BRF1: variants seen among roughly 807,000 people sequenced by gnomAD.
The protein encoded by BRF1 is transcription factor IIIB 90 kDa subunit.
In BRF1, 59 loss-of-function variants were observed where a neutral mutation model predicts 81.7. The ratio of observed to expected loss-of-function variants is 0.72; its 90% CI spans 0.59 to 0.90. The LOEUF (loss-of-function observed/expected upper bound fraction) is 0.90. Among genes scored for constraint, BRF1 ranks in the 40% least tolerant of loss-of-function variants. The pLI, the probability that BRF1 is intolerant of heterozygous loss-of-function variation, is 0.00. For missense variants in BRF1, 1,050 were observed against 936.3 expected (o/e 1.12, Z -1.58); for synonymous variants, 491 against 395.6 (o/e 1.24, Z -2.86).
chr14:105,240,963 C>G (rs775257368), intron 6 of BRF1, among the ~76,000 whole-genome samples: 5 of 152,208 alleles, frequency 3.3e-5, no homozygotes, highest in Admixed American at 2.6e-4. Context: ...CCGGGCCCCA[C>G]GAGACCACGG....
At position 105,210,697 on chromosome 14, in the gene BRF1, C is replaced by T. The variant is rs959600863; in HGVS notation, c.1997-109G>A. The T allele has an allele frequency of 8.3e-5, 103 of 1,244,002 alleles. No individual in the cohort carries two copies. Among genetic ancestry groups the T allele is most frequent in the Non-Finnish European group, 1.1e-4 (96 of 891,938 alleles). The allele number at this position is 1,244,002 out of a possible 1,614,324, so 77.1% of individuals were successfully genotyped here. A position where few individuals can be genotyped will look rare whatever the true frequency, so the allele number is the denominator to read the frequency against. Reference sequence around the variant, plus strand: ...CCCCCTAGAAGACTCAGGCTCCAGCCCCAGCCCCAGCCCCCCGCGCCCCGC... The same window carrying T: ...CCCCCTAGAAGACTCAGGCTCCAGCTCCAGCCCCAGCCCCCCGCGCCCCGC... On this transcript the variant is annotated intron_variant, in intron 17 of 17. Transcript: ENST00000547530. This position sits in a 1 kb window ranked among gnomAD's most constrained non-coding sequence, Gnocchi z 4.7.
chr14:105,314,970 A>G (rs1168591191), intron 1 of BRF1: 10 of 1,222,496 alleles, frequency 8.2e-6, no homozygotes, highest in Non-Finnish European at 9.4e-6. Flanking sequence ...CGCGCTCAAC[A>G]CGCCCGTGCC....
In BRF1 at chr14:105,226,143, T is replaced by C; in HGVS notation, c.974A>G (p.Gln325Arg). Residue 325 changes from glutamine (Q) to arginine (R), a missense_variant, in exon 10 of 18, where the codon CAG becomes CGG. Gln to Arg is a conservative substitution (Grantham distance 43, BLOSUM62 1). Transcript: ENST00000547530. ...EEVEGEISSY[Q>R]DAIEIELENS... Reference sequence around the variant, plus strand: ...TTCTAGTTCAATCTCAATTGCATCCTGGTAACTGGATATTTCACCTGAAGT... The same window carrying C: ...TTCTAGTTCAATCTCAATTGCATCCCGGTAACTGGATATTTCACCTGAAGT... 1 of 1,614,022 alleles carries C rather than the reference T, an allele frequency of 6.2e-7. No homozygotes were observed. The highest frequency in any genetic ancestry group is 8.5e-7 in the Non-Finnish European group (1 of 1,180,032).
chr14:105,229,733 C>A (rs1317322986), intron 6 of BRF1, among the ~76,000 whole-genome samples: 1 of 43,268 alleles, frequency 2.3e-5, no homozygotes, highest in African/African-American at 8.9e-5. Flanking sequence ...CGCGTAGTCG[C>A]CCAGCTGGGG....
chr14:105,228,606 C>A (rs1174430462), intron 7 of BRF1, among the ~76,000 whole-genome samples: 1 of 151,928 alleles, frequency 6.6e-6, no homozygotes, highest in Non-Finnish European at 1.5e-5. Flanking sequence ...AGGGCCGGCC[C>A]CAGAAGGACT....
chr14:105,245,369 T>A (rs1009351449), intron 5 of BRF1, among the ~76,000 whole-genome samples: 61 of 151,080 alleles, frequency 4.0e-4, no homozygotes, highest in African/African-American at 6.6e-4. Flanking sequence ...TCAAAAAAAA[T>A]AAATAAATAA....
intron 3 of BRF1, among the ~76,000 whole-genome samples, chr14:105,267,005 T>C (rs587750503): frequency 2.9e-4 from 44 of 152,096 alleles, no homozygotes; most frequent in Admixed American, 7.8e-4. Context: ...ACTGCGCCAC[T>C]GCACTCCAGC....
chr14:105,223,276 A>G (rs910709307), intron 10 of BRF1, among the ~76,000 whole-genome samples: 1 of 152,230 alleles, frequency 6.6e-6, no homozygotes, highest in Non-Finnish European at 1.5e-5. Context: ...AAGGAAATCA[A>G]CGTCCACACA....
chr14:105,248,536 G>C lies in BRF1; in HGVS notation c.544+3971C>G, dbSNP rs2055291486. The C allele has an allele frequency of 4.2e-6, 4 of 951,884 alleles. No homozygotes were observed. In the South Asian group the frequency reaches 2.0e-4, roughly 47 times the overall value. The allele number at this position is 951,884 out of a possible 1,614,324, so 59.0% of individuals were successfully genotyped here. The stretch of plus-strand genomic sequence containing the variant: ...TCGCGCGGGGCGCGGCCCTGACGCA[G>C]CGTGACGCACCGGCGCCGCGGCGGG... On this transcript the variant is annotated intron_variant, in intron 5 of 17. Transcript: ENST00000547530.
At position 105,272,893 on chromosome 14, in the gene BRF1, C is replaced by T. The variant is rs1270917194; in HGVS notation, c.267G>A (p.Gly89=). 1.9e-6 allele frequency: 3 copies of T among 1,604,158 alleles called. No homozygotes were observed. The highest frequency in any genetic ancestry group is 2.6e-6 in the Non-Finnish European group (3 of 1,172,506). Residue 89 remains glycine (G), a splice_region_variant and synonymous_variant, in exon 3 of 18, where the codon GGG becomes GGA. Transcript: ENST00000547530. ...TCCCCAGGTGGTGGATGTGGCGCCT[C>T]CCTAGGACACAGCACGAGGCAGCTC... ...KESRAQTLQN[G]RRHIHHLGNQ...
In BRF1 at chr14:105,221,881, C is replaced by T; in HGVS notation, c.1082G>A (p.Gly361Asp). The T allele has an allele frequency of 6.2e-7, 1 of 1,600,712 alleles. No individual in the cohort carries two copies. The highest frequency in any genetic ancestry group is 8.5e-7 in the Non-Finnish European group (1 of 1,174,114). The change falls in exon 11 of 18, where the codon GGC (glycine) becomes GAC (aspartate). Residue 361 changes from glycine to aspartate, a missense_variant. Coordinates refer to ENST00000547530, the MANE Select transcript of BRF1 (RefSeq NM_001519.4). ...CTCCTCGTCCTCTGTGTCCTCCTCG[C>T]CACACAAGCTGGACGCGGTGTCCTC... is the stretch of plus-strand genomic sequence containing the variant. ...STEDTASSLC[G>D]EEDTEDEELE...
At chr14:105,215,278 GTACA>G (rs1259565103) in intron 15 of BRF1, among the ~76,000 whole-genome samples, 1 of 151,694 alleles carries the variant, frequency 6.6e-6, no homozygotes, top group Non-Finnish European at 1.5e-5. Context: ...GCACACACGT[GTACA>G]TAGAGACAAA....
chr14:105,314,459 GGGGCGGGGCGGGGCGCCCC>G (rs2058461158), intron 1 of BRF1: 1 of 145,430 alleles, frequency 6.9e-6, no homozygotes, highest in Non-Finnish European at 1.5e-5. Context: ...CGGCTCCCGG[GGGGCGGGGCGGGGCGCCCC>G]GGGCGGGGTC....
chr14:105,241,279 C>G lies in BRF1; in HGVS notation c.680G>C (p.Gly227Ala). 6.2e-7 allele frequency: 1 copy of G among 1,611,894 alleles called. No homozygotes were observed. Residue 227 changes from glycine to alanine, a missense_variant, in exon 6 of 18, where the codon GGC (glycine) becomes GCC (alanine). Transcript: ENST00000547530. ...DWMHTGRRPS[G>A]LCGAALLVAA... ...GCCCGCTGTACCTGCTCCGCAGAGG[C>G]CCGAGGGGCGCCGGCCTGTGTGCAT...
At chr14:105,295,938 G>A (rs2057720902) in intron 1 of BRF1, among the ~76,000 whole-genome samples, 1 of 151,884 alleles carries the variant, frequency 6.6e-6, no homozygotes, top group Non-Finnish European at 1.5e-5. Context: ...AACCAGCCGG[G>A]TATGGTAGTG....
At chr14:105,278,118 C>A (rs587593580) in intron 2 of BRF1, among the ~76,000 whole-genome samples, 1 of 152,130 alleles carries the variant, frequency 6.6e-6, no homozygotes, top group African/African-American at 2.4e-5. Context: ...CCATAGCCTG[C>A]GAGTCTCCTT....
intron 11 of BRF1, among the ~76,000 whole-genome samples, chr14:105,221,240 C>A (rs1892233943): frequency 3.3e-5 from 5 of 152,168 alleles, no homozygotes; most frequent in Admixed American, 3.3e-4. Context: ...CTGGCCTGGG[C>A]ACTATGGGGC....
At chr14:105,278,999 G>A (rs766298322) in intron 2 of BRF1, among the ~76,000 whole-genome samples, 2 of 152,036 alleles carry the variant, frequency 1.3e-5, no homozygotes, top group African/African-American at 2.4e-5. Context: ...AGCCGAGATC[G>A]CGCCACTGCA....
intron 3 of BRF1, among the ~76,000 whole-genome samples, chr14:105,259,076 G>C (rs2056031339): frequency 6.6e-6 from 1 of 152,168 alleles, no homozygotes; most frequent in African/African-American, 2.4e-5. Flanking sequence ...AAAAGGCCTG[G>C]AAGTTTCTTA....
Sources: allele counts gnomAD v4.1 joint callset (sites outside exome capture counted in the v4.1 genomes callset), GRCh38; gene constraint gnomAD v4.1.1; non-coding constraint Gnocchi (gnomAD v3.1); transcripts MANE v1.5; gene names NCBI Gene and HGNC (gene_info 2026-07-23, HGNC 2026-07-21).